TENM3: variants seen among roughly 807,000 people sequenced by gnomAD.
TENM3 encodes teneurin transmembrane protein 3, also known as teneurin-3.
TENM3 carries 63 observed loss-of-function variants against 255.1 expected under a neutral mutation model. The observed-to-expected ratio is 0.25, with a 90% confidence interval of 0.20 to 0.30. The LOEUF (loss-of-function observed/expected upper bound fraction) is 0.30. Among genes scored for constraint, TENM3 ranks in the 10% least tolerant of loss-of-function variants. The pLI, the probability that TENM3 is intolerant of heterozygous loss-of-function variation, is 1.00. For missense variants in TENM3, 2,929 were observed against 3,461.1 expected (o/e 0.85, Z 3.86); for synonymous variants, 1,306 against 1,322.3 (o/e 0.99, Z 0.27).
At chr4:181,624,635 G>A in the TENM3 span, among the ~76,000 whole-genome samples, 1 of 152,174 alleles carries the variant, frequency 6.6e-6, no homozygotes, top group Non-Finnish European at 1.5e-5. Flanking sequence ...ATAAAGCCAC[G>A]GTAACATTGG....
At chr4:182,514,050 G>C (rs1269818937) in intron 3 of TENM3, among the ~76,000 whole-genome samples, 1 of 152,214 alleles carries the variant, frequency 6.6e-6, no homozygotes. Flanking sequence ...CAACCCTGAT[G>C]CTTCTTTTTG....
At chr4:182,284,521 A>T (rs1307219204) in intron 1 of TENM3, among the ~76,000 whole-genome samples, 3 of 152,150 alleles carry the variant, frequency 2.0e-5, no homozygotes, top group Non-Finnish European at 2.9e-5. Flanking sequence ...TGAAGGGGAA[A>T]TGTTGAACCT....
chr4:181,491,077 T>A, the TENM3 span, among the ~76,000 whole-genome samples: 1 of 152,134 alleles, frequency 6.6e-6, no homozygotes, highest in African/African-American at 2.4e-5. Flanking sequence ...CTTCTGAGAC[T>A]TCGTGATTTA....
chr4:182,034,919 A>T, the TENM3 span, among the ~76,000 whole-genome samples: 1 of 152,058 alleles, frequency 6.6e-6, no homozygotes, highest in South Asian at 2.1e-4. Flanking sequence ...CCTGAGTTCA[A>T]TGTTGGCCTG....
the TENM3 span, among the ~76,000 whole-genome samples, chr4:181,577,372 T>C: frequency 6.6e-6 from 1 of 151,360 alleles, no homozygotes; most frequent in Admixed American, 6.6e-5. Context: ...GATTTTCTCT[T>C]TGTCCTTGGA....
At chr4:181,729,188 AT>A in the TENM3 span, among the ~76,000 whole-genome samples, 1 of 152,230 alleles carries the variant, frequency 6.6e-6, no homozygotes, top group African/African-American at 2.4e-5. Context: ...ATTTAAAAAA[AT>A]ATGAGAAGTT....
intron 3 of TENM3, among the ~76,000 whole-genome samples, chr4:182,508,881 C>G (rs947956334): frequency 6.6e-6 from 1 of 152,136 alleles, no homozygotes; most frequent in Non-Finnish European, 1.5e-5. Context: ...TCAACTCCAA[C>G]AGAGAAATAA....
intron 5 of TENM3, among the ~76,000 whole-genome samples, chr4:182,645,759 G>T (rs937021249): frequency 6.6e-6 from 1 of 151,812 alleles, no homozygotes; most frequent in African/African-American, 2.4e-5. Flanking sequence ...CCTATGGAAA[G>T]CAGTCCAAAA....
chr4:182,395,252 C>T (rs1768729169), intron 3 of TENM3, among the ~76,000 whole-genome samples: 1 of 152,276 alleles, frequency 6.6e-6, no homozygotes, highest in African/African-American at 2.4e-5. Flanking sequence ...CCTATACAGC[C>T]TGGCTTTTTC....
the TENM3 span, among the ~76,000 whole-genome samples, chr4:181,512,153 C>A: frequency 3.0e-3 from 460 of 152,288 alleles, 5 homozygotes; most frequent in African/African-American, 0.011. Flanking sequence ...ACTCTTGAAA[C>A]TTCTCGCCAC....
the TENM3 span, among the ~76,000 whole-genome samples, chr4:182,035,096 T>A: frequency 1.3e-5 from 2 of 152,180 alleles, no homozygotes; most frequent in African/African-American, 4.8e-5. Flanking sequence ...CAAATGCATC[T>A]TTTAACATTG....
intron 19 of TENM3, among the ~76,000 whole-genome samples, chr4:182,749,101 C>G (rs982804119): frequency 2.0e-5 from 3 of 148,946 alleles, no homozygotes; most frequent in Non-Finnish European, 4.4e-5. Context: ...GAGGATGCCA[C>G]CACCACTGAA....
intron 1 of TENM3, among the ~76,000 whole-genome samples, chr4:182,230,802 G>A (rs1176337490): frequency 9.2e-6 from 1 of 109,022 alleles, no homozygotes; most frequent in Non-Finnish European, 1.8e-5. Context: ...ATTAAATACA[G>A]TTTCTCAAAC....
At chr4:181,693,169 C>A in the TENM3 span, among the ~76,000 whole-genome samples, 3 of 152,312 alleles carry the variant, frequency 2.0e-5, no homozygotes, top group South Asian at 6.2e-4. Context: ...ACGTGATATT[C>A]CTCCTGTATA....
At chr4:182,644,992 G>T (rs1472141345) in intron 5 of TENM3, among the ~76,000 whole-genome samples, 1 of 151,926 alleles carries the variant, frequency 6.6e-6, no homozygotes, top group Non-Finnish European at 1.5e-5. Flanking sequence ...TTTTATAGAT[G>T]ACAAATGTCA....
the TENM3 span, among the ~76,000 whole-genome samples, chr4:181,655,108 C>A: frequency 6.6e-6 from 1 of 152,150 alleles, no homozygotes; most frequent in Non-Finnish European, 1.5e-5. Flanking sequence ...AATCATGGGA[C>A]GAGCTATTGC....
intron 5 of TENM3, 60 bp from the exon 6 acceptor site, chr4:182,653,711 C>T: frequency 6.6e-7 from 1 of 1,518,564 alleles, no homozygotes; most frequent in Non-Finnish European, 8.9e-7. Flanking sequence ...ACATGCTTAG[C>T]AATTGCCGTT....
chr4:181,948,965 C>T, the TENM3 span, among the ~76,000 whole-genome samples: 1 of 151,946 alleles, frequency 6.6e-6, no homozygotes, highest in Non-Finnish European at 1.5e-5. Flanking sequence ...GTCTATTATC[C>T]TGTCAATATG....
At chr4:182,343,520 G>A (rs184254429) in intron 2 of TENM3, among the ~76,000 whole-genome samples, 48 of 152,278 alleles carry the variant, frequency 3.2e-4, no homozygotes, top group Non-Finnish European at 6.2e-4. Context: ...ACTTTACATA[G>A]GATTGTCCAG....
Sources: allele counts gnomAD v4.1 joint callset (sites outside exome capture counted in the v4.1 genomes callset), GRCh38; gene constraint gnomAD v4.1.1; transcripts MANE v1.5; gene names NCBI Gene and HGNC (gene_info 2026-07-23, HGNC 2026-07-21).